The following ADAM2 variants were observed in gnomAD, a reference collection of about 807,000 sequenced individuals.
The protein encoded by ADAM2 is ADAM metallopeptidase domain 2, also known as disintegrin and metalloproteinase domain-containing protein 2.
Under a neutral mutation model 99.3 loss-of-function variants are expected in ADAM2, and 101 were observed. The observed-to-expected ratio is 1.02, with a 90% confidence interval of 0.87 to 1.20. The LOEUF is 1.20. Among genes scored for constraint, ADAM2 ranks in the 50% most tolerant of loss-of-function variants. The probability of loss-of-function intolerance (pLI) is 0.00; values close to 1 mark genes in which losing one functional copy is unlikely to be tolerated. For synonymous variants in ADAM2, 323 were observed against 287.6 expected (o/e 1.12, Z -1.25); for missense variants, 948 against 878.7 (o/e 1.08, Z -1.00).
chr8:39,760,745 A>T (rs1465830467), intron 15 of ADAM2, among the ~76,000 whole-genome samples: 1 of 151,664 alleles, frequency 6.6e-6, no homozygotes, highest in Non-Finnish European at 1.5e-5. Flanking sequence ...AAAATAAAAA[A>T]AAAACACATT....
At chr8:39,833,187 A>G (rs1314940600) in intron 3 of ADAM2, among the ~76,000 whole-genome samples, 1 of 152,090 alleles carries the variant, frequency 6.6e-6, no homozygotes, top group Non-Finnish European at 1.5e-5. Flanking sequence ...TTTCTTCAGA[A>G]AAAAGTAATT....
intron 11 of ADAM2, among the ~76,000 whole-genome samples, chr8:39,774,456 C>G (rs1802909693): frequency 1.3e-5 from 2 of 151,952 alleles, no homozygotes; most frequent in Middle Eastern, 3.2e-3. Context: ...TGTAGCAAAG[C>G]TGCAGGATAC....
intron 4 of ADAM2, among the ~76,000 whole-genome samples, chr8:39,824,425 C>T (rs558827357): frequency 4.6e-5 from 7 of 152,098 alleles, no homozygotes; most frequent in East Asian, 3.9e-4. Flanking sequence ...TACTCCTAAA[C>T]GTGTGTGAAA....
At chr8:39,808,389 T>C (rs1159589874) in intron 7 of ADAM2, among the ~76,000 whole-genome samples, 2 of 152,256 alleles carry the variant, frequency 1.3e-5, no homozygotes, top group East Asian at 1.9e-4. Flanking sequence ...ACTCATATAC[T>C]GAAAAACTAC....
intron 8 of ADAM2, 57 bp downstream of exon 8, chr8:39,788,612 G>A: frequency 1.6e-6 from 2 of 1,226,550 alleles, no homozygotes; most frequent in South Asian, 1.4e-5. Context: ...ATAATGAGGT[G>A]TAGAAATTGT....
At chr8:39,769,950 CT>C (rs60250805) in intron 11 of ADAM2, among the ~76,000 whole-genome samples, 61 of 134,818 alleles carry the variant, frequency 4.5e-4, no homozygotes, top group East Asian at 1.1e-3. Flanking sequence ...TTTCTTTTTT[CT>C]TTTTTTTTTT....
intron 12 of ADAM2, among the ~76,000 whole-genome samples, chr8:39,767,577 A>G (rs1044271950): frequency 1.4e-4 from 21 of 152,222 alleles, no homozygotes; most frequent in Non-Finnish European, 3.1e-4. Context: ...TACAAGACGT[A>G]AAATAAACAG....
intron 7 of ADAM2, among the ~76,000 whole-genome samples, chr8:39,804,374 T>C (rs558456927): frequency 6.6e-6 from 1 of 152,026 alleles, no homozygotes; most frequent in South Asian, 2.1e-4. Flanking sequence ...TGGTTTTCAA[T>C]GGAAGAACTG....
At chr8:39,756,017 C>A in intron 15 of ADAM2, 106 bp from the exon 16 acceptor site, 2 of 589,242 alleles carry the variant, frequency 3.4e-6, no homozygotes, top group Non-Finnish European at 5.4e-6. Context: ...GGTTTGCAAG[C>A]TAATACATGC....
chr8:39,807,292 G>C (rs1804481088), intron 7 of ADAM2, among the ~76,000 whole-genome samples: 1 of 152,308 alleles, frequency 6.6e-6, no homozygotes, highest in South Asian at 2.1e-4. Context: ...AGCTGGAGGG[G>C]AATTTTGCCT....
intron 7 of ADAM2, among the ~76,000 whole-genome samples, chr8:39,796,080 CT>C (rs1554526208): frequency 6.7e-6 from 1 of 148,822 alleles, no homozygotes; most frequent in Non-Finnish European, 1.5e-5. Flanking sequence ...ATTTCTTCTT[CT>C]AAAAAAAAAA....
chr8:39,761,891 CT>C (rs1338705774), intron 14 of ADAM2, among the ~76,000 whole-genome samples: 1 of 152,160 alleles, frequency 6.6e-6, no homozygotes, highest in Non-Finnish European at 1.5e-5. Context: ...ACCAGCCTGT[CT>C]AACACAGTGA....
At chr8:39,803,585 CT>C (rs1309639027) in intron 7 of ADAM2, among the ~76,000 whole-genome samples, 2 of 152,174 alleles carry the variant, frequency 1.3e-5, no homozygotes, top group Non-Finnish European at 2.9e-5. Context: ...GTGCCTGGAG[CT>C]CCTATTTTGA....
In ADAM2 at chr8:39,755,789, C is replaced by G. The variant is rs755547832; in HGVS notation, c.1736G>C (p.Ser579Thr). The G allele has an allele frequency of 1.2e-6, 2 of 1,613,532 alleles. No homozygotes were observed. Among genetic ancestry groups the G allele is most frequent in the Admixed American group, 1.7e-5 (1 of 59,956 alleles). ...CATCTTTTGGCTGTCTGCATGATCA[C>G]TGGCAAATTCCACAGCAATGCAGAG... ...GHLCIAVEFASDHADSQKMWI... is the reference protein window; with the variant it reads ...GHLCIAVEFATDHADSQKMWI... The change falls in exon 16 of 21, where the codon AGT becomes ACT. Residue 579 changes from serine to threonine, a missense_variant. Physicochemically the swap from Ser to Thr is moderately conservative, Grantham distance 58 (BLOSUM62 1). Coordinates refer to ENST00000265708, the MANE Select transcript of ADAM2 (RefSeq NM_001464.5).
Position 39,821,288 on chromosome 8 carries a change from T to C in ADAM2, c.345-118A>G, listed in dbSNP as rs998662932. 8.8e-5 allele frequency: 66 copies of C among 752,924 alleles called. No homozygotes were observed. In the African/African-American group the frequency reaches 1.1e-3, roughly 12 times the overall value. The allele number at this position is 752,924 out of a possible 1,614,324, so 46.6% of individuals were successfully genotyped here. A position where few individuals can be genotyped will look rare whatever the true frequency, so the allele number is the denominator to read the frequency against. On this transcript the variant is annotated intron_variant, in intron 5 of 20. Transcript: ENST00000265708. ...GATTATTTTTAGCCTGAATCTAAGG[T>C]GATAAAATAGGAGAAAGTTACTGGG...
intron 7 of ADAM2, among the ~76,000 whole-genome samples, chr8:39,796,478 T>C (rs751326655): frequency 1.3e-5 from 2 of 152,168 alleles, no homozygotes; most frequent in Non-Finnish European, 2.9e-5. Context: ...TCTTTGCTAT[T>C]GTAAGTAGTG....
At chr8:39,831,009 G>A (rs1392553080) in intron 3 of ADAM2, among the ~76,000 whole-genome samples, 1 of 152,126 alleles carries the variant, frequency 6.6e-6, no homozygotes, top group Admixed American at 6.5e-5. Context: ...AGCCATTTAA[G>A]AACCAGGAAA....
rs748681168 is a variant in ADAM2, at chr8:39,749,681, A to G, written c.1861T>C (p.Cys621Arg). The change falls in exon 17 of 21, where the codon TGC (cysteine) becomes CGC (arginine). Residue 621 changes from cysteine to arginine, a missense_variant. By Grantham distance (180) the Cys-to-Arg change is radical (BLOSUM62 -3). Transcript: ENST00000265708. The part of the protein sequence containing the change: ...YLGYDCTTDK[C>R]NDRGVCNNKK... ...CTGCTACTTACACCTCTATCATTGCATTTGTCAGTAGTACAATCATAACCC... is the reference window on the plus strand; with the variant it reads ...CTGCTACTTACACCTCTATCATTGCGTTTGTCAGTAGTACAATCATAACCC... The G allele has an allele frequency of 3.7e-6, 6 of 1,611,648 alleles. No individual in the cohort carries two copies. The Admixed American group carries it at 1.0e-4, about 27-fold the overall frequency.
intron 6 of ADAM2, among the ~76,000 whole-genome samples, chr8:39,814,141 T>G (rs1456373258): frequency 6.6e-6 from 1 of 151,916 alleles, no homozygotes; most frequent in East Asian, 1.9e-4. Context: ...GTGGATCACT[T>G]GAGGCCAAGA....
Sources: gnomAD v4.1 joint callset for allele counts (sites outside exome capture counted in the v4.1 genomes callset) on GRCh38, gnomAD v4.1.1 for gene constraint, MANE v1.5 for transcripts, NCBI Gene and HGNC (gene_info 2026-07-23, HGNC 2026-07-21) for gene names.